HYDIN: variants seen among roughly 807,000 people sequenced by gnomAD.
The protein encoded by HYDIN is axonemal central pair apparatus protein HYDIN.
In HYDIN, 132 loss-of-function variants were observed where a neutral mutation model predicts 403.9. The observed-to-expected ratio is 0.33, with a 90% confidence interval of 0.28 to 0.38. The LOEUF (loss-of-function observed/expected upper bound fraction) is 0.38, where lower values mean the gene tolerates loss of function less well. Among genes scored for constraint, HYDIN ranks in the 10% least tolerant of loss-of-function variants. The pLI is 1.00. For missense variants in HYDIN, 2,827 were observed against 5,009.5 expected (o/e 0.56, Z 13.15); for synonymous variants, 1,202 against 1,891.7 (o/e 0.64, Z 9.46).
chr16:70,911,683 T>G (rs575605913), intron 47 of HYDIN, among the ~76,000 whole-genome samples: 1 of 152,248 alleles, frequency 6.6e-6, no homozygotes, highest in South Asian at 2.1e-4. Context: ...TGCATTGAAT[T>G]TGTAGATTGC....
At chr16:71,214,141 A>T (rs2088744981) in intron 1 of HYDIN, among the ~76,000 whole-genome samples, 1 of 152,120 alleles carries the variant, frequency 6.6e-6, no homozygotes, top group South Asian at 2.1e-4. Flanking sequence ...GTTTTTAAAA[A>T]ATCAACCTAA....
chr16:70,835,427 T>C (rs2037358714), intron 78 of HYDIN, among the ~76,000 whole-genome samples: 1 of 152,178 alleles, frequency 6.6e-6, no homozygotes, highest in Admixed American at 6.5e-5. Context: ...ATGAATGACA[T>C]GGAAAATGAA....
intron 83 of HYDIN, among the ~76,000 whole-genome samples, chr16:70,824,306 C>T (rs1018900920): frequency 6.2e-4 from 94 of 151,652 alleles, no homozygotes; most frequent in Non-Finnish European, 9.3e-4. Context: ...TCTCTTCCTA[C>T]TCTTCTCTCT....
intron 60 of HYDIN, among the ~76,000 whole-genome samples, chr16:70,882,378 C>G (rs2066317332): frequency 6.6e-6 from 1 of 152,186 alleles, no homozygotes; most frequent in Non-Finnish European, 1.5e-5. Context: ...AGCCTCTCCC[C>G]ACCATGCTTT....
chr16:70,921,338 C>G, intron 45 of HYDIN, 121 bp from the exon 46 acceptor site: 1 of 891,242 alleles, frequency 1.1e-6, no homozygotes, highest in Non-Finnish European at 1.7e-6. Context: ...TGGGCACCTC[C>G]CCTGCACGCT....
Position 70,908,768 on chromosome 16 carries a change from G to T in HYDIN, c.8098C>A (p.His2700Asn). ...AGGACCTTCCTGTTTAAGGCCATGT[G>T]ACGCTTGTCTTTCTGAATCTCGAAG... ...QVFEIQKDKR[H>N]MALNRKVLSG... Residue 2700 changes from histidine (H) to asparagine (N), a missense_variant, in exon 48 of 86, where the codon CAC (histidine) becomes AAC (asparagine). Coordinates refer to ENST00000393567, the MANE Select transcript of HYDIN (RefSeq NM_001270974.2). 1 of 1,614,226 alleles carries T rather than the reference G, an allele frequency of 6.2e-7. No homozygotes were observed. Among genetic ancestry groups the T allele is most frequent in the East Asian group, 2.2e-5 (1 of 44,880 alleles).
At chr16:71,227,627 AAGG>A (rs1203101590) in intron 1 of HYDIN, among the ~76,000 whole-genome samples, 2 of 152,242 alleles carry the variant, frequency 1.3e-5, no homozygotes, top group East Asian at 1.9e-4. Flanking sequence ...GGAACTCTTC[AAGG>A]AGAAGTACAA....
At chr16:71,070,154 T>G (rs2082415137) in intron 13 of HYDIN, among the ~76,000 whole-genome samples, 1 of 152,192 alleles carries the variant, frequency 6.6e-6, no homozygotes, top group Non-Finnish European at 1.5e-5. Context: ...TTTGTCATCG[T>G]ATCCAGCTTT....
intron 18 of HYDIN, among the ~76,000 whole-genome samples, chr16:71,053,580 T>C (rs1243754386): frequency 1.1e-4 from 17 of 151,274 alleles, no homozygotes; most frequent in African/African-American, 4.1e-4. Flanking sequence ...TACAGTGATA[T>C]GATTTATATA....
chr16:71,134,486 G>T (rs1041860805), intron 8 of HYDIN, among the ~76,000 whole-genome samples: 1 of 152,238 alleles, frequency 6.6e-6, no homozygotes, highest in Non-Finnish European at 1.5e-5. Flanking sequence ...CTCAAAAGAG[G>T]ATTCACCCCA....
intron 7 of HYDIN, among the ~76,000 whole-genome samples, chr16:71,150,598 C>T (rs1178360191): frequency 6.7e-6 from 1 of 149,418 alleles, no homozygotes; most frequent in Non-Finnish European, 1.5e-5. Flanking sequence ...AAACTATAAC[C>T]CTTCCAGAAG....
chr16:70,930,242 A>G (rs1460380810), intron 45 of HYDIN, among the ~76,000 whole-genome samples: 1 of 152,272 alleles, frequency 6.6e-6, no homozygotes, highest in African/African-American at 2.4e-5. Flanking sequence ...GCACTTTCAG[A>G]GGCCGAGGTG....
At chr16:71,006,811 T>A (rs1276056301) in intron 23 of HYDIN, among the ~76,000 whole-genome samples, 1 of 152,062 alleles carries the variant, frequency 6.6e-6, no homozygotes, top group African/African-American at 2.4e-5. Flanking sequence ...TCCCACCAGA[T>A]TTCTTCACTG....
rs1597146505 is a variant in HYDIN at position 70,860,119 on chromosome 16, T to C, written c.12078A>G (p.Ala4026=). Residue 4026 remains alanine, a synonymous_variant, in exon 71 of 86, where the codon GCA becomes GCG. Transcript: ENST00000393567. ...AGCCCTTTTCTGTAAGGCATGTGAA[T>C]GCTGCAGGGTTCTGGAGACTTTCAA... ...EEIESLQNPA[A]FTCLTEKGFI... The C allele has an allele frequency of 1.9e-6, 3 of 1,612,720 alleles. No individual in the cohort carries two copies. The highest frequency in any genetic ancestry group is 2.5e-6 in the Non-Finnish European group (3 of 1,179,110).
chr16:71,110,327 AAAT>A (rs902212436), intron 10 of HYDIN, among the ~76,000 whole-genome samples: 5 of 141,038 alleles, frequency 3.5e-5, no homozygotes, highest in African/African-American at 8.0e-5. Flanking sequence ...ATTTATATCT[AAAT>A]AAGTTATATA....
chr16:71,098,374 TTG>T (rs1191431438), intron 10 of HYDIN, among the ~76,000 whole-genome samples: 1 of 151,698 alleles, frequency 6.6e-6, no homozygotes, highest in Non-Finnish European at 1.5e-5. Context: ...GCTAATATTT[TTG>T]TATTTTTAGT....
In HYDIN at chr16:70,940,430, C is replaced by G. The variant is rs569240564; in HGVS notation, c.6853+1206G>C. 2.5e-4 allele frequency among the ~76,000 whole-genome samples: 38 copies of G among 151,802 alleles called. 1 individual carries two copies. The highest frequency in any genetic ancestry group is 5.0e-4 in the Non-Finnish European group (34 of 67,998). On this transcript the variant is annotated intron_variant, in intron 43 of 85. Coordinates refer to ENST00000393567, the MANE Select transcript of HYDIN (RefSeq NM_001270974.2). ...AAGCGATCATGTAAAGTGCTTTCCC[C>G]AGTGCCTGGCATGTTCATAGATGTT...
intron 3 of HYDIN, among the ~76,000 whole-genome samples, chr16:71,181,130 T>C (rs1402437408): frequency 1.3e-5 from 2 of 151,302 alleles, no homozygotes; most frequent in Non-Finnish European, 1.5e-5. Context: ...TTTTCATAAA[T>C]TAAAAGAAAT....
At chr16:70,992,912 C>G (rs546756310) in intron 23 of HYDIN, among the ~76,000 whole-genome samples, 7 of 152,210 alleles carry the variant, frequency 4.6e-5, no homozygotes, top group Admixed American at 1.3e-4. Context: ...TGTGGGGTCA[C>G]CCCCATTCTT....
Sources: allele counts gnomAD v4.1 joint callset (sites outside exome capture counted in the v4.1 genomes callset), GRCh38; gene constraint gnomAD v4.1.1; transcripts MANE v1.5; gene names NCBI Gene and HGNC (gene_info 2026-07-23, HGNC 2026-07-21).